The following SLC38A7 variants were observed in gnomAD, a reference collection of about 807,000 sequenced individuals.
The protein encoded by SLC38A7 is sodium-coupled neutral amino acid transporter 7.
SLC38A7 carries 29 observed loss-of-function variants against 50.1 expected under a neutral mutation model. That is an observed-to-expected ratio of 0.58 (90% confidence interval 0.43 to 0.79). The LOEUF is 0.79. Among genes scored for constraint, SLC38A7 ranks in the 30% least tolerant of loss-of-function variants. The pLI, the probability that SLC38A7 is intolerant of heterozygous loss-of-function variation, is 0.00. For missense variants in SLC38A7, 483 were observed against 610.6 expected, an observed-to-expected ratio of 0.79 and a Z score of 2.20; for synonymous variants, 244 against 245.9, an observed-to-expected ratio of 0.99 and a Z score of 0.07.
In SLC38A7 at chr16:58,669,961, C is replaced by A. The variant is rs572624625; in HGVS notation, c.1286+152G>T. The A allele has an allele frequency of 1.0e-5, 7 of 674,386 alleles. No individual in the cohort carries two copies. The African/African-American group carries it at 1.1e-4, about 11-fold the overall frequency. The allele number at this position is 674,386 out of a possible 1,614,324, so 41.8% of individuals were successfully genotyped here. Reference sequence around the variant, plus strand: ...CTGCACTCCAGGCTGGGCGACACAGCGAGACTCCGGCTCAAAAAAAAAAAA... The same window carrying A: ...CTGCACTCCAGGCTGGGCGACACAGAGAGACTCCGGCTCAAAAAAAAAAAA... On this transcript the variant is annotated intron_variant, in intron 11 of 11. Coordinates refer to ENST00000219320, the MANE Select transcript of SLC38A7 (RefSeq NM_018231.3).
In SLC38A7 at chr16:58,667,350, A is replaced by G. The variant is rs2044058631; in HGVS notation, c.*35T>C. On this transcript the variant is annotated 3_prime_UTR_variant, in exon 12 of 12. Transcript: ENST00000219320. ...TCTAAGAGATGGGTTCCTGCGACCA[A>G]TGGCAAAGGCCTTGTGTTCCCTGGG... 1 of 1,605,560 alleles carries G rather than the reference A, an allele frequency of 6.2e-7. No homozygotes were observed. The highest frequency in any genetic ancestry group is 8.5e-7 in the Non-Finnish European group (1 of 1,172,478).
Position 58,667,041 on chromosome 16 carries a change from A to G in SLC38A7, c.*344T>C, listed in dbSNP as rs2044049660. The G allele has an allele frequency of 2.6e-6, 1 of 377,736 alleles. No individual in the cohort carries two copies. The highest frequency in any genetic ancestry group is 4.8e-6 in the Non-Finnish European group (1 of 208,912). 23.4% of individuals were successfully genotyped at this position (377,736 alleles called of 1,614,324 possible). The stretch of plus-strand genomic sequence containing the variant: ...GGCCTTCTGTCCATAGTCATTCTCC[A>G]GAGGGAAGTCAGACTGGATTCTTTC... On this transcript the variant is annotated 3_prime_UTR_variant, in exon 12 of 12. Coordinates refer to ENST00000219320, the MANE Select transcript of SLC38A7 (RefSeq NM_018231.3).
intron 9 of SLC38A7, chr16:58,671,499 T>TG (rs567041017): frequency 2.9e-4 from 166 of 571,008 alleles, no homozygotes; most frequent in African/African-American, 2.9e-3. Context: ...AGGAACTGTC[T>TG]GGGGCATCCA....
intron 10 of SLC38A7, 79 bp downstream of exon 10, chr16:58,670,966 G>C: frequency 6.8e-7 from 1 of 1,476,734 alleles, no homozygotes; most frequent in South Asian, 1.2e-5. Context: ...CATGTTTTGA[G>C]CAAGTAGGGA....
chr16:58,671,970 C>T (rs1024389898), intron 9 of SLC38A7, 126 bp downstream of exon 9: 11 of 1,191,774 alleles, frequency 9.2e-6, no homozygotes, highest in Non-Finnish European at 1.1e-5. Flanking sequence ...CCATCCTAGG[C>T]ACCGACTCTT....
At chr16:58,680,879 C>T (rs924042428) in intron 2 of SLC38A7, among the ~76,000 whole-genome samples, 11 of 152,156 alleles carry the variant, frequency 7.2e-5, no homozygotes, top group Non-Finnish European at 1.5e-5. Context: ...GTGATTCATC[C>T]CATGCTTCTA....
intron 3 of SLC38A7, 29 bp downstream of exon 3, chr16:58,679,828 A>T (rs1597679058): frequency 6.2e-7 from 1 of 1,611,778 alleles, no homozygotes; most frequent in South Asian, 1.1e-5. Flanking sequence ...ACTGAACTGC[A>T]CCTCTGCCCT....
chr16:58,682,822 G>A (rs905118355), intron 2 of SLC38A7, among the ~76,000 whole-genome samples: 1 of 152,066 alleles, frequency 6.6e-6, no homozygotes, highest in African/African-American at 2.4e-5. Flanking sequence ...AGTAGAGATG[G>A]GGTTTTGCCA....
chr16:58,671,952 G>A, intron 9 of SLC38A7, 144 bp downstream of exon 9: 2 of 1,003,238 alleles, frequency 2.0e-6, no homozygotes, highest in Non-Finnish European at 2.8e-6. Flanking sequence ...CCTGGGATAT[G>A]TAGGGACCCA....
chr16:58,676,636 G>T (rs1057067629), intron 6 of SLC38A7, among the ~76,000 whole-genome samples: 6 of 151,914 alleles, frequency 3.9e-5, no homozygotes, highest in African/African-American at 9.7e-5. Flanking sequence ...GAAGGAAATT[G>T]TTTTTTTTGT....
At position 58,680,041 on chromosome 16, in the gene SLC38A7, G is replaced by A; in HGVS notation, c.86C>T (p.Pro29Leu). ...AGERARLLQS[P>L]CVDTAPKSEW... ...ACTCTTGGGGGCTGTGTCCACACAG[G>A]GACTCTGCAGCAGCCGAGCCCGCTC... is the stretch of plus-strand genomic sequence containing the variant. Residue 29 changes from proline (P) to leucine (L), a missense_variant, in exon 3 of 12, where the codon CCC (proline) becomes CTC (leucine). Physicochemically the swap from Pro to Leu is moderately conservative, Grantham distance 98. Transcript: ENST00000219320. The A allele has an allele frequency of 6.2e-7, 1 of 1,602,968 alleles. No homozygotes were observed. The highest frequency in any genetic ancestry group is 1.1e-5 in the South Asian group (1 of 89,712).
chr16:58,669,103 C>CTTTTT (rs71155293), intron 11 of SLC38A7, among the ~76,000 whole-genome samples: 3 of 54,594 alleles, frequency 5.5e-5, no homozygotes, highest in Admixed American at 2.7e-4. Flanking sequence ...GTTTGTATGG[C>CTTTTT]TTTTTTTTTT....
chr16:58,680,832 C>T (rs1238313058), intron 2 of SLC38A7, among the ~76,000 whole-genome samples: 1 of 152,198 alleles, frequency 6.6e-6, no homozygotes, highest in Non-Finnish European at 1.5e-5. Flanking sequence ...ATGTGACAAG[C>T]CCCCATGCCT....
At chr16:58,682,259 A>G (rs912709654) in intron 2 of SLC38A7, among the ~76,000 whole-genome samples, 5 of 152,120 alleles carry the variant, frequency 3.3e-5, no homozygotes, top group East Asian at 1.9e-4. Flanking sequence ...AAGAGCAGGA[A>G]GAAGGCCAGA....
chr16:58,682,415 G>A lies in SLC38A7; in HGVS notation c.-116+1540C>T, dbSNP rs541327464. Among the ~76,000 whole-genome samples the A allele has an allele frequency of 2.7e-4, 41 of 151,940 alleles. 1 individual carries two copies. In the South Asian group the frequency reaches 7.5e-3, roughly 28 times the overall value. ...CCTCATTCCTGAGTCCCGATTTCAC[G>A]GTACTCATACAAAACTCCATTTTAA... On this transcript the variant is annotated intron_variant, in intron 2 of 11. Transcript: ENST00000219320.
rs1488623142 is a variant in SLC38A7 at position 58,666,585 on chromosome 16, C to T, written c.*800G>A. The T allele has an allele frequency of 6.5e-6, 1 of 152,804 alleles. No individual in the cohort carries two copies. Among genetic ancestry groups the T allele is most frequent in the Admixed American group, 6.5e-5 (1 of 15,268 alleles). The allele number at this position is 152,804 out of a possible 1,614,324, so 9.5% of individuals were successfully genotyped here. ...CCTGCGGCCTCTGAAAAGAGGGGCC[C>T]ATCTCAGACACAAAAGCAGATACTC... On this transcript the variant is annotated 3_prime_UTR_variant, in exon 12 of 12. Coordinates refer to ENST00000219320, the MANE Select transcript of SLC38A7 (RefSeq NM_018231.3).
Position 58,668,257 on chromosome 16 carries a change from G to A in SLC38A7, c.1287-770C>T, listed in dbSNP as rs898592604. ...GTTTGAGACCAGCCTGGCCAGCGTGGTGAAACCCCGTCTCTACTAAAAAAA... is the reference window on the plus strand; with the variant it reads ...GTTTGAGACCAGCCTGGCCAGCGTGATGAAACCCCGTCTCTACTAAAAAAA... On this transcript the variant is annotated intron_variant, in intron 11 of 11. Coordinates refer to ENST00000219320, the MANE Select transcript of SLC38A7 (RefSeq NM_018231.3). Among the ~76,000 whole-genome samples, 5 of 152,156 alleles carry A rather than the reference G, an allele frequency of 3.3e-5. No individual in the cohort carries two copies. The East Asian group carries it at 9.7e-4, about 30-fold the overall frequency.
chr16:58,675,775 T>C (rs1429666772), intron 8 of SLC38A7, among the ~76,000 whole-genome samples, 165 bp downstream of exon 8: 1 of 152,136 alleles, frequency 6.6e-6, no homozygotes, highest in Non-Finnish European at 1.5e-5. Flanking sequence ...ACCACTCTCA[T>C]CTTGGCAGGA....
chr16:58,671,957 G>A, intron 9 of SLC38A7, 139 bp downstream of exon 9: 1 of 1,043,834 alleles, frequency 9.6e-7, no homozygotes, highest in Non-Finnish European at 1.4e-6. Flanking sequence ...GATATGTAGG[G>A]ACCCATCCTA....
Sources: gnomAD v4.1 joint callset for allele counts (sites outside exome capture counted in the v4.1 genomes callset) on GRCh38, gnomAD v4.1.1 for gene constraint, MANE v1.5 for transcripts, NCBI Gene and HGNC (gene_info 2026-07-23, HGNC 2026-07-21) for gene names.